ALK: variants seen among roughly 807,000 people sequenced by gnomAD.
ALK encodes the protein ALK receptor tyrosine kinase.
A neutral mutation model predicts 163.1 loss-of-function variants in ALK; 74 were observed. That is an observed-to-expected ratio of 0.45 (90% CI 0.38 to 0.55). The LOEUF (loss-of-function observed/expected upper bound fraction) is 0.55, where lower values mean the gene tolerates loss of function less well. Ranked by LOEUF, ALK falls within the 20% of genes least tolerant of loss-of-function variation. The pLI is 0.00. For synonymous variants in ALK, 960 were observed against 843.2 expected (o/e 1.14, Z -2.40); for missense variants, 2,063 against 2,105.3 (o/e 0.98, Z 0.39).
At chr2:29,527,907 G>C (rs1673000796) in intron 4 of ALK, among the ~76,000 whole-genome samples, 1 of 152,106 alleles carries the variant, frequency 6.6e-6, no homozygotes, top group Non-Finnish European at 1.5e-5. Flanking sequence ...ATGGAAAGGG[G>C]AGGAGGTTAG....
intron 5 of ALK, among the ~76,000 whole-genome samples, chr2:29,330,179 T>G (rs768790065): frequency 6.6e-6 from 1 of 152,232 alleles, no homozygotes; most frequent in Non-Finnish European, 1.5e-5. Context: ...CCCTTTCACC[T>G]GCTCTTCAAG....
At chr2:29,230,287 A>AT (rs1491485956) in intron 15 of ALK, among the ~76,000 whole-genome samples, 956 of 84,240 alleles carry the variant, frequency 0.011, 3 homozygotes, top group African/African-American at 0.029. Flanking sequence ...AGACACAATC[A>AT]TCTTTTTTTT....
At chr2:29,448,788 G>T (rs1346064844) in intron 4 of ALK, among the ~76,000 whole-genome samples, 1 of 152,168 alleles carries the variant, frequency 6.6e-6, no homozygotes, top group South Asian at 2.1e-4. Context: ...AAGGTTGGAA[G>T]AAACCTTAAA....
chr2:29,835,417 C>T lies in ALK; in HGVS notation c.667+84576G>A, dbSNP rs138713745. Among the ~76,000 whole-genome samples, 915 of 152,262 alleles carry T rather than the reference C, an allele frequency of 6.0e-3. 6 individuals are homozygous for T. The highest frequency in any genetic ancestry group is 0.01 in the Admixed American group (155 of 15,290). ...TGCCATTCTTACAAGAGACAAGAAA[C>T]GATGTGTCTTCCCATTGTACAGAAC... On this transcript the variant is annotated intron_variant, in intron 1 of 28. Transcript: ENST00000389048.
chr2:29,712,947 G>C (rs1679150296), intron 2 of ALK, among the ~76,000 whole-genome samples: 1 of 152,184 alleles, frequency 6.6e-6, no homozygotes, highest in South Asian at 2.1e-4. Context: ...TCATAACAAA[G>C]TACCATCAAC....
chr2:29,626,726 A>G (rs2148233633), intron 3 of ALK, among the ~76,000 whole-genome samples: 1 of 152,342 alleles, frequency 6.6e-6, no homozygotes, highest in East Asian at 1.9e-4. Context: ...CAAATCTGCC[A>G]GCACCTTGAT....
In ALK at chr2:29,876,677, C is replaced by T. The variant is rs570922097; in HGVS notation, c.667+43316G>A. On this transcript the variant is annotated intron_variant, in intron 1 of 28. Transcript: ENST00000389048. Reference sequence around the variant, plus strand: ...ACGGCGATGGTGGTGATGATGGTAACGATGGTGATATGGTGATGGTAGTGA... The same window carrying T: ...ACGGCGATGGTGGTGATGATGGTAATGATGGTGATATGGTGATGGTAGTGA... Among the ~76,000 whole-genome samples the T allele has an allele frequency of 1.3e-4, 15 of 116,424 alleles. 1 individual carries two copies. Among genetic ancestry groups the T allele is most frequent in the South Asian group, 6.5e-4 (2 of 3,070 alleles). 76.4% of individuals were successfully genotyped at this position (116,424 alleles called of 152,430 possible).
intron 5 of ALK, among the ~76,000 whole-genome samples, chr2:29,331,826 C>T (rs1443378886): frequency 6.6e-6 from 1 of 152,146 alleles, no homozygotes; most frequent in African/African-American, 2.4e-5. Context: ...GTCCTCTTTG[C>T]CCCTCTTTCA....
At chr2:29,756,625 C>T (rs1010314296) in intron 1 of ALK, among the ~76,000 whole-genome samples, 7 of 152,002 alleles carry the variant, frequency 4.6e-5, no homozygotes, top group Admixed American at 3.3e-4. Flanking sequence ...CTCTGCCTCC[C>T]GGCAGATTCT....
intron 3 of ALK, among the ~76,000 whole-genome samples, chr2:29,665,713 GA>G (rs1213063747): frequency 5.3e-5 from 8 of 151,980 alleles, no homozygotes; most frequent in African/African-American, 1.9e-4. Context: ...AATTAGAGTT[GA>G]AATTAAGTAT....
intron 3 of ALK, among the ~76,000 whole-genome samples, chr2:29,545,914 G>A (rs1224445105): frequency 6.6e-6 from 1 of 152,104 alleles, no homozygotes; most frequent in Non-Finnish European, 1.5e-5. Context: ...GCACAATTAG[G>A]AGCCTCTGCA....
At chr2:29,768,139 G>T (rs1347035429) in intron 1 of ALK, among the ~76,000 whole-genome samples, 1 of 152,178 alleles carries the variant, frequency 6.6e-6, no homozygotes, top group Non-Finnish European at 1.5e-5. Context: ...TGACAGCTGT[G>T]GCCACGTCGC....
Position 29,328,355 on chromosome 2 carries a change from A to G in ALK, c.1409T>C (p.Met470Thr). The stretch of plus-strand genomic sequence containing the variant: ...GGGCAGCCCCATCTACTCACGGCAC[A>G]TCTGGCTCTCATCTTCTCCCTGGGC... ...DCAQGEDESQ[M>T]CRKLPVGFYC... Residue 470 changes from methionine (M) to threonine (T), a missense_variant, in exon 6 of 29, where the codon ATG (methionine) becomes ACG (threonine). By Grantham distance (81) the Met-to-Thr change is moderately conservative (BLOSUM62 -1). Transcript: ENST00000389048. 2 of 1,614,144 alleles carry G rather than the reference A, an allele frequency of 1.2e-6. No individual in the cohort carries two copies. Among genetic ancestry groups the G allele is most frequent in the Non-Finnish European group, 1.7e-6 (2 of 1,180,014 alleles).
At chr2:29,572,956 C>T (rs1046842861) in intron 3 of ALK, among the ~76,000 whole-genome samples, 4 of 152,212 alleles carry the variant, frequency 2.6e-5, no homozygotes, top group African/African-American at 7.2e-5. Flanking sequence ...ACCAGGCCCC[C>T]AAGACAACAC....
chr2:29,525,238 C>T (rs1672925812), intron 4 of ALK, among the ~76,000 whole-genome samples: 1 of 152,192 alleles, frequency 6.6e-6, no homozygotes, highest in Admixed American at 6.5e-5. Flanking sequence ...CTAGCCTGTC[C>T]ACCCATAAGT....
rs537278455 is a variant in ALK, at chr2:29,821,487, T to C, written c.667+98506A>G. ...GCACCTGAATTTGAGGGCCAAGAGG[T>C]TCTCATATCCTGGTGAGAAGGTGCA... is the stretch of plus-strand genomic sequence containing the variant. On this transcript the variant is annotated intron_variant, in intron 1 of 28. Coordinates refer to ENST00000389048, the MANE Select transcript of ALK (RefSeq NM_004304.5). Among the ~76,000 whole-genome samples, 95 of 152,098 alleles carry C rather than the reference T, an allele frequency of 6.2e-4. 1 individual carries two copies. Among genetic ancestry groups the C allele is most frequent in the African/African-American group, 2.2e-3 (90 of 41,506 alleles).
chr2:29,507,142 G>A (rs1277657005), intron 4 of ALK, among the ~76,000 whole-genome samples: 2 of 152,104 alleles, frequency 1.3e-5, no homozygotes, highest in African/African-American at 4.8e-5. Context: ...ATTGACAGAT[G>A]AATGAATAAA....
intron 8 of ALK, among the ~76,000 whole-genome samples, chr2:29,307,799 G>T (rs1255952019): frequency 6.6e-6 from 1 of 152,140 alleles, no homozygotes; most frequent in Non-Finnish European, 1.5e-5. Context: ...AATAAAACAC[G>T]TTTCTGGCAA....
At chr2:29,650,049 A>T (rs887621916) in intron 3 of ALK, among the ~76,000 whole-genome samples, 2 of 152,202 alleles carry the variant, frequency 1.3e-5, no homozygotes, top group Non-Finnish European at 2.9e-5. Context: ...TGTCCAACCC[A>T]TGCCTTCCAG....
Sources: allele counts gnomAD v4.1 joint callset (sites outside exome capture counted in the v4.1 genomes callset), GRCh38; gene constraint gnomAD v4.1.1; transcripts MANE v1.5; gene names NCBI Gene and HGNC (gene_info 2026-07-23, HGNC 2026-07-21).